The following PLCH1 variants were observed in gnomAD, a reference collection of about 807,000 sequenced individuals.
PLCH1 encodes phospholipase C eta 1, also known as 1-phosphatidylinositol 4,5-bisphosphate phosphodiesterase eta-1.
Under a neutral mutation model 126.7 loss-of-function variants are expected in PLCH1, and 60 were observed. The observed-to-expected ratio is 0.47, with a 90% CI of 0.38 to 0.59. The LOEUF (loss-of-function observed/expected upper bound fraction) is 0.59. PLCH1 is among the 20% of genes least tolerant of loss of function. The probability of loss-of-function intolerance (pLI) is 0.00; values close to 1 mark genes in which losing one functional copy is unlikely to be tolerated. For missense variants in PLCH1, 1,723 were observed against 2,040.0 expected (o/e 0.84, Z 2.99); for synonymous variants, 719 against 734.9 (o/e 0.98, Z 0.35).
At chr3:155,492,259 C>T (rs554742183) in intron 18 of PLCH1, among the ~76,000 whole-genome samples, 4 of 152,076 alleles carry the variant, frequency 2.6e-5, no homozygotes, top group Non-Finnish European at 5.9e-5. Context: ...AGACTGTGGC[C>T]GCAGATGAAG....
intron 14 of PLCH1, among the ~76,000 whole-genome samples, chr3:155,498,517 T>A (rs2108123329): frequency 6.6e-6 from 1 of 152,162 alleles, no homozygotes; most frequent in East Asian, 1.9e-4. Flanking sequence ...GTGACCCAGT[T>A]AGGGAGTAAC....
intron 20 of PLCH1, 56 bp downstream of exon 20, chr3:155,488,604 T>C (rs932046859): frequency 2.1e-5 from 29 of 1,400,300 alleles, no homozygotes; most frequent in Non-Finnish European, 2.7e-5. Context: ...ATATATTACG[T>C]CTTCCAAATA....
At chr3:155,474,288 AAAG>A (rs1713419371) in intron 21 of PLCH1, among the ~76,000 whole-genome samples, 1 of 148,950 alleles carries the variant, frequency 6.7e-6, no homozygotes, top group South Asian at 2.2e-4. Flanking sequence ...ACACTTCTCA[AAAG>A]AAGACATTTA....
intron 1 of PLCH1, chr3:155,743,531 CAAAAAAGA>C (rs1213988921): frequency 1.1e-5 from 5 of 449,006 alleles, no homozygotes; most frequent in Admixed American, 2.5e-5. Flanking sequence ...GACTCCGTCT[CAAAAAAGA>C]AAAAAAGAAA....
intron 1 of PLCH1, among the ~76,000 whole-genome samples, chr3:155,711,656 CAA>C: frequency 6.6e-6 from 1 of 152,248 alleles, no homozygotes; most frequent in Admixed American, 6.5e-5. Flanking sequence ...ACTCTCTGTT[CAA>C]AAGATTCAGG....
At position 155,727,373 on chromosome 3, in the gene PLCH1, C is replaced by T. The variant is rs563801460; in HGVS notation, c.-41+17467G>A. ...TGGGTTCTGCTCAGTACCAGCAACA[C>T]TTCCAATGTACGAAATCCTTTTTTT... is the stretch of plus-strand genomic sequence containing the variant. On this transcript the variant is annotated intron_variant, in intron 1 of 22. Coordinates refer to ENST00000460012, the MANE Select transcript of PLCH1 (RefSeq NM_014996.4). Among the ~76,000 whole-genome samples the T allele has an allele frequency of 1.8e-3, 274 of 148,806 alleles. 1 individual carries two copies. Among genetic ancestry groups the T allele is most frequent in the African/African-American group, 6.7e-3 (266 of 39,902 alleles).
chr3:155,589,931 T>A (rs1731886403), intron 4 of PLCH1, among the ~76,000 whole-genome samples: 1 of 152,140 alleles, frequency 6.6e-6, no homozygotes, highest in African/African-American at 2.4e-5. Context: ...GATAAAAGAC[T>A]TGAAGGCAAA....
chr3:155,592,919 T>G (rs1365258811), intron 4 of PLCH1, among the ~76,000 whole-genome samples: 2 of 152,214 alleles, frequency 1.3e-5, no homozygotes, highest in African/African-American at 4.8e-5. Flanking sequence ...TTTATCTGCA[T>G]GCTGTGAATA....
rs1177755232 is a variant in PLCH1, at chr3:155,594,053, G to C, written c.358C>G (p.Leu120Val). Reference sequence around the variant, plus strand: ...GCCTCCTCGGGGTTGGAGGTGATGAGGTCCAGGGACTCCATGTGGTTGCCA... The same window carrying C: ...GCCTCCTCGGGGTTGGAGGTGATGACGTCCAGGGACTCCATGTGGTTGCCA... ...YHGNHMESLD[L>V]ITSNPEEART... Residue 120 changes from leucine (L) to valine (V), a missense_variant, in exon 4 of 23, where the codon CTC becomes GTC. Transcript: ENST00000460012. 6.2e-7 allele frequency: 1 copy of C among 1,614,056 alleles called. No individual in the cohort carries two copies. The highest frequency in any genetic ancestry group is 1.1e-5 in the South Asian group (1 of 91,060).
chr3:155,492,319 G>A (rs182948250), intron 18 of PLCH1, among the ~76,000 whole-genome samples: 215 of 152,324 alleles, frequency 1.4e-3, no homozygotes, highest in African/African-American at 5.1e-3. Flanking sequence ...ATAAGAATCA[G>A]CACATGGCCA....
At chr3:155,485,102 T>C (rs541924376) in intron 22 of PLCH1, among the ~76,000 whole-genome samples, 24 of 152,324 alleles carry the variant, frequency 1.6e-4, no homozygotes, top group African/African-American at 5.8e-4. Flanking sequence ...CTCTGTGCCA[T>C]CACACCTAAT....
intron 3 of PLCH1, among the ~76,000 whole-genome samples, chr3:155,595,503 C>G (rs1001652761): frequency 6.6e-6 from 1 of 152,166 alleles, no homozygotes; most frequent in African/African-American, 2.4e-5. Flanking sequence ...TACTCTGGGA[C>G]TTGCATCAGT....
intron 4 of PLCH1, among the ~76,000 whole-genome samples, chr3:155,590,096 T>C (rs933569473): frequency 3.9e-5 from 6 of 152,208 alleles, no homozygotes; most frequent in African/African-American, 1.4e-4. Context: ...ATGGCCATAC[T>C]GCAGAAATAA....
At chr3:155,577,554 A>G (rs1730143991) in intron 6 of PLCH1, among the ~76,000 whole-genome samples, 1 of 152,056 alleles carries the variant, frequency 6.6e-6, no homozygotes, top group African/African-American at 2.4e-5. Flanking sequence ...TTCCTTTGTG[A>G]TTTTTACCTC....
At chr3:155,467,309 C>A (rs956186324) in intron 21 of PLCH1, among the ~76,000 whole-genome samples, 9 of 152,022 alleles carry the variant, frequency 5.9e-5, no homozygotes, top group Non-Finnish European at 5.9e-5. Context: ...TGCGGTGGCT[C>A]ACGCCTGTAA....
chr3:155,613,366 C>G (rs755162795), intron 2 of PLCH1, among the ~76,000 whole-genome samples: 14 of 152,056 alleles, frequency 9.2e-5, no homozygotes, highest in Non-Finnish European at 2.1e-4. Context: ...AAAAAACAGA[C>G]CAATATCTCT....
At chr3:155,479,863 T>TA (rs1175625520), downstream of PLCH1, 1 of 151,060 alleles carries the variant, frequency 6.6e-6, no homozygotes, top group Non-Finnish European at 1.5e-5. Flanking sequence ...ATTTCAATTG[T>TA]AAAAAAAGTT....
At chr3:155,728,341 C>G (rs1748498097) in intron 1 of PLCH1, among the ~76,000 whole-genome samples, 1 of 152,144 alleles carries the variant, frequency 6.6e-6, no homozygotes, top group Admixed American at 6.5e-5. Flanking sequence ...TTTGTAATAA[C>G]TGCTGATATT....
intron 2 of PLCH1, among the ~76,000 whole-genome samples, chr3:155,693,965 C>G (rs759385598): frequency 3.3e-5 from 5 of 151,986 alleles, no homozygotes; most frequent in Non-Finnish European, 7.4e-5. Context: ...AAAAGAAAAA[C>G]AGCAGCTACA....
Sources: gnomAD v4.1 joint callset for allele counts (sites outside exome capture counted in the v4.1 genomes callset) on GRCh38, gnomAD v4.1.1 for gene constraint, MANE v1.5 for transcripts, NCBI Gene and HGNC (gene_info 2026-07-23, HGNC 2026-07-21) for gene names.